Variants in SPTBN1 observed in about 807,000 individuals in gnomAD.
SPTBN1 encodes spectrin beta chain, non-erythrocytic 1.
In SPTBN1, 32 loss-of-function variants were observed where a neutral mutation model predicts 266.4. The observed-to-expected ratio is 0.12, with a 90% CI of 0.09 to 0.16. The LOEUF (loss-of-function observed/expected upper bound fraction) is 0.16. Ranked by LOEUF, SPTBN1 falls within the 10% of genes least tolerant of loss-of-function variation. The pLI, the probability that SPTBN1 is intolerant of heterozygous loss-of-function variation, is 1.00. For missense variants in SPTBN1, 2,296 were observed against 3,067.1 expected (o/e 0.75, Z 5.94); for synonymous variants, 1,336 against 1,162.2 (o/e 1.15, Z -3.04).
At chr2:54,656,331 A>G (rs1477630978) in intron 29 of SPTBN1, among the ~76,000 whole-genome samples, 1 of 152,208 alleles carries the variant, frequency 6.6e-6, no homozygotes, top group African/African-American at 2.4e-5. Flanking sequence ...CAAGTTGGAA[A>G]GTTGATCTCA....
chr2:54,578,484 A>G (rs1252727105), intron 2 of SPTBN1, among the ~76,000 whole-genome samples: 8 of 152,216 alleles, frequency 5.3e-5, no homozygotes, highest in South Asian at 2.1e-4. Context: ...GCTGCCAAGT[A>G]TAAGTGAAGA....
At chr2:54,609,579 T>C (rs1316718449) in intron 3 of SPTBN1, among the ~76,000 whole-genome samples, 1 of 152,034 alleles carries the variant, frequency 6.6e-6, no homozygotes, top group Non-Finnish European at 1.5e-5. Flanking sequence ...TTCCATAGAG[T>C]TTTGTGTAGT....
Position 54,622,346 on chromosome 2 carries a change from A to G in SPTBN1, c.923A>G (p.Glu308Gly), listed in dbSNP as rs1274266968. 1 of 1,614,242 alleles carries G rather than the reference A, an allele frequency of 6.2e-7. No individual in the cohort carries two copies. The highest frequency in any genetic ancestry group is 1.7e-5 in the Admixed American group (1 of 60,030). Residue 308 changes from glutamate (E) to glycine (G), a missense_variant, in exon 9 of 36, where the codon GAA (glutamate) becomes GGA (glycine). Glu to Gly is a moderately conservative substitution (Grantham distance 98). Transcript: ENST00000356805. Reference sequence around the variant, plus strand: ...ACAGAAAAAATGATTGAAAAGTATGAATCACTTGCCTCTGACCTTCTGGAA... The same window carrying G: ...ACAGAAAAAATGATTGAAAAGTATGGATCACTTGCCTCTGACCTTCTGGAA... The part of the protein sequence containing the change: ...IETEKMIEKY[E>G]SLASDLLEWI...
chr2:54,649,309 GT>G lies in SPTBN1; in HGVS notation c.5202+122del. On this transcript the variant is annotated intron_variant, in intron 25 of 35. Transcript: ENST00000356805. This position sits in a 1 kb window ranked among gnomAD's most constrained non-coding sequence, Gnocchi z 6.7. Reference sequence around the variant, plus strand: ...CTGGACTCCAATCAGAGGTCTTGGGGTTTAGTTTTAAGGTGGTGTTTCTTTT... The same window carrying G: ...CTGGACTCCAATCAGAGGTCTTGGGGTTAGTTTTAAGGTGGTGTTTCTTTT... The G allele has an allele frequency of 1.7e-6, 2 of 1,202,410 alleles. No individual in the cohort carries two copies. The highest frequency in any genetic ancestry group is 2.3e-6 in the Non-Finnish European group (2 of 875,250). 74.5% of individuals were successfully genotyped at this position (1,202,410 alleles called of 1,614,324 possible).
intron 2 of SPTBN1, among the ~76,000 whole-genome samples, chr2:54,586,396 A>G (rs920295606): frequency 6.6e-6 from 1 of 152,196 alleles, no homozygotes; most frequent in Non-Finnish European, 1.5e-5. Context: ...ATGTTCATTT[A>G]TTTTTAAATA....
At chr2:54,665,734 T>G (rs1681324097) in intron 33 of SPTBN1, among the ~76,000 whole-genome samples, 181 bp from the exon 34 acceptor site, 1 of 152,148 alleles carries the variant, frequency 6.6e-6, no homozygotes, top group Non-Finnish European at 1.5e-5. Flanking sequence ...ATGGAGGAAT[T>G]TTTTCTGTTG....
intron 2 of SPTBN1, among the ~76,000 whole-genome samples, chr2:54,592,529 C>A (rs1034782177): frequency 6.6e-6 from 1 of 152,114 alleles, no homozygotes; most frequent in Non-Finnish European, 1.5e-5. Context: ...GGATTACAGA[C>A]ATGCGCCACC....
At chr2:54,660,254 C>G in intron 32 of SPTBN1, 1 of 1,348,414 alleles carries the variant, frequency 7.4e-7, no homozygotes, top group South Asian at 2.3e-5. Flanking sequence ...TGATGGATGC[C>G]CACTTGCCTT....
rs192123623 is a variant in SPTBN1, at chr2:54,581,194, G to A, written c.149-17898G>A. ...ATGTTTTGAAATACACGTGCATTGT[G>A]GAATGGCTATATTGAAAGCTAATAC... On this transcript the variant is annotated intron_variant, in intron 2 of 35. Transcript: ENST00000356805. 6.6e-4 allele frequency among the ~76,000 whole-genome samples: 100 copies of A among 152,150 alleles called. 1 individual carries two copies. The highest frequency in any genetic ancestry group is 2.0e-3 in the African/African-American group (81 of 41,504).
Position 54,553,923 on chromosome 2 carries a change from T to C in SPTBN1, c.148+27357T>C, listed in dbSNP as rs543923257. ...CTTAGAACAAACAGAGGCTTAATCT[T>C]ACCTTGCCACATGCTAAGTCATACA... On this transcript the variant is annotated intron_variant, in intron 2 of 35. Transcript: ENST00000356805. Among the ~76,000 whole-genome samples the C allele has an allele frequency of 2.0e-5, 3 of 152,328 alleles. No homozygotes were observed. In the East Asian group the frequency reaches 5.8e-4, roughly 29 times the overall value.
intron 12 of SPTBN1, 150 bp from the exon 13 acceptor site, chr2:54,627,947 G>A (rs555357654): frequency 6.1e-5 from 50 of 817,708 alleles, no homozygotes; most frequent in Non-Finnish European, 8.1e-5. Context: ...TGGTTTGTTG[G>A]CCATCATCTT....
intron 3 of SPTBN1, among the ~76,000 whole-genome samples, chr2:54,602,063 T>C (rs1412611917): frequency 6.6e-6 from 1 of 152,188 alleles, no homozygotes; most frequent in African/African-American, 2.4e-5. Context: ...TATCAGCTCA[T>C]AGAGCAGTGA....
chr2:54,608,040 G>C (rs1476223996), intron 3 of SPTBN1, among the ~76,000 whole-genome samples: 1 of 152,144 alleles, frequency 6.6e-6, no homozygotes, highest in African/African-American at 2.4e-5. Context: ...ACTAAGGTAG[G>C]GCTGGCTGCT....
At chr2:54,584,444 C>G (rs1675149211) in intron 2 of SPTBN1, among the ~76,000 whole-genome samples, 1 of 152,286 alleles carries the variant, frequency 6.6e-6, no homozygotes, top group South Asian at 2.1e-4. Context: ...GAAATACATA[C>G]TATAAATTTT....
chr2:54,470,874 C>G (rs907275522), intron 1 of SPTBN1, among the ~76,000 whole-genome samples: 3 of 152,216 alleles, frequency 2.0e-5, no homozygotes, highest in African/African-American at 7.2e-5. Context: ...TCCTTTAGAA[C>G]AATCTTGTCC....
At chr2:54,575,761 A>C (rs72918800) in intron 2 of SPTBN1, among the ~76,000 whole-genome samples, 12,254 of 152,252 alleles carry the variant, frequency 0.08, 1,568 homozygotes, top group African/African-American at 0.27. Flanking sequence ...CTCAGTTTCG[A>C]TGTATCGGGA....
At position 54,645,841 on chromosome 2, in the gene SPTBN1, C is replaced by G; in HGVS notation, c.4495-87C>G. ...GAGCACTCTCTGAAGCTCACCCTTG[C>G]TGTCCCTCACTGCCCCTCACTGCTC... On this transcript the variant is annotated intron_variant, in intron 21 of 35. Transcript: ENST00000356805. This position sits in a 1 kb window ranked among gnomAD's most constrained non-coding sequence, Gnocchi z 4.3. 7.0e-7 allele frequency: 1 copy of G among 1,428,782 alleles called. No homozygotes were observed. Among genetic ancestry groups the G allele is most frequent in the Non-Finnish European group, 9.8e-7 (1 of 1,021,672 alleles). The allele number at this position is 1,428,782 out of a possible 1,614,324, so 88.5% of individuals were successfully genotyped here. A position where few individuals can be genotyped will look rare whatever the true frequency, so the allele number is the denominator to read the frequency against.
chr2:54,504,981 A>T (rs986376255), intron 1 of SPTBN1, among the ~76,000 whole-genome samples: 1 of 152,212 alleles, frequency 6.6e-6, no homozygotes. Context: ...TTTGTAGAAG[A>T]ATACTTTGTT....
intron 2 of SPTBN1, 45 bp downstream of exon 2, chr2:54,526,611 C>A: frequency 6.3e-7 from 1 of 1,582,666 alleles, no homozygotes; most frequent in Non-Finnish European, 8.6e-7. Flanking sequence ...TGCCTAAAAT[C>A]AGGATGCCCC....
Sources: allele counts gnomAD v4.1 joint callset (sites outside exome capture counted in the v4.1 genomes callset), GRCh38; gene constraint gnomAD v4.1.1; non-coding constraint Gnocchi (gnomAD v3.1); transcripts MANE v1.5; gene names NCBI Gene and HGNC (gene_info 2026-07-23, HGNC 2026-07-21).